The following AGBL1 variants were observed in gnomAD, a reference collection of about 807,000 sequenced individuals.
AGBL1 encodes the protein AGBL carboxypeptidase 1, also known as cytosolic carboxypeptidase 4.
AGBL1 carries 130 observed loss-of-function variants against 118.9 expected under a neutral mutation model. The ratio of observed to expected loss-of-function variants is 1.09; its 90% CI spans 0.95 to 1.26. AGBL1 has a LOEUF of 1.26. Ranked by LOEUF, AGBL1 falls within the 50% of genes most tolerant of loss-of-function variation. AGBL1 has a pLI of 0.00. For missense variants in AGBL1, 1,584 were observed against 1,298.1 expected, an observed-to-expected ratio of 1.22 and a Z score of -3.38; for synonymous variants, 555 against 478.9, an observed-to-expected ratio of 1.16 and a Z score of -2.08.
chr15:86,593,732 A>G (rs1338111339), intron 21 of AGBL1, among the ~76,000 whole-genome samples: 1 of 152,228 alleles, frequency 6.6e-6, no homozygotes, highest in Non-Finnish European at 1.5e-5. Context: ...CAATATTCCA[A>G]GAAGTTCCCT....
chr15:86,930,416 G>A (rs2080591450), intron 23 of AGBL1, among the ~76,000 whole-genome samples: 1 of 152,134 alleles, frequency 6.6e-6, no homozygotes, highest in African/African-American at 2.4e-5. Flanking sequence ...AGTTGCCAGT[G>A]ATAAGAGGAG....
intron 22 of AGBL1, among the ~76,000 whole-genome samples, chr15:86,790,764 T>C (rs559197712): frequency 6.2e-4 from 95 of 152,244 alleles, no homozygotes; most frequent in Non-Finnish European, 1.2e-3. Context: ...AGACATTCAC[T>C]ATACTTTCAA....
chr15:86,895,621 C>G (rs1249488708), intron 22 of AGBL1, among the ~76,000 whole-genome samples: 1 of 150,826 alleles, frequency 6.6e-6, no homozygotes, highest in African/African-American at 2.5e-5. Context: ...TTTTTTCTGC[C>G]TCGCTTTAAC....
chr15:86,777,877 A>G (rs2078280923), intron 22 of AGBL1, among the ~76,000 whole-genome samples: 1 of 152,172 alleles, frequency 6.6e-6, no homozygotes, highest in Admixed American at 6.6e-5. Context: ...AGAAACTGTC[A>G]CCTAGACAAA....
chr15:86,593,920 GA>G (rs1424130625), intron 21 of AGBL1, among the ~76,000 whole-genome samples: 1 of 151,068 alleles, frequency 6.6e-6, no homozygotes, highest in African/African-American at 2.4e-5. Flanking sequence ...GACACTGATT[GA>G]TTTTTTTTTT....
intron 22 of AGBL1, among the ~76,000 whole-genome samples, chr15:86,749,802 T>C (rs958080362): frequency 6.6e-6 from 1 of 152,226 alleles, no homozygotes; most frequent in Non-Finnish European, 1.5e-5. Flanking sequence ...GTTTATATGC[T>C]GGATTACTTT....
At chr15:86,744,031 A>G (rs1427145087) in intron 22 of AGBL1, among the ~76,000 whole-genome samples, 2 of 152,100 alleles carry the variant, frequency 1.3e-5, no homozygotes, top group African/African-American at 4.8e-5. Context: ...AAATATATAT[A>G]TTTACTTTCA....
At chr15:86,688,743 T>G (rs1037174560) in intron 22 of AGBL1, among the ~76,000 whole-genome samples, 13 of 152,170 alleles carry the variant, frequency 8.5e-5, no homozygotes, top group African/African-American at 2.7e-4. Context: ...CTGCACATAT[T>G]TGAAATACTA....
chr15:87,003,126 G>T (rs911305023), intron 24 of AGBL1, among the ~76,000 whole-genome samples: 13 of 152,088 alleles, frequency 8.5e-5, no homozygotes, highest in African/African-American at 2.7e-4. Flanking sequence ...GTCATAAATA[G>T]CTCTTATTAT....
chr15:86,485,377 A>G (rs1185748821), intron 18 of AGBL1, among the ~76,000 whole-genome samples: 2 of 135,490 alleles, frequency 1.5e-5, no homozygotes, highest in East Asian at 2.0e-4. Flanking sequence ...TTCACTGCTT[A>G]TATATGAACA....
intron 22 of AGBL1, among the ~76,000 whole-genome samples, chr15:86,753,559 G>A (rs1250020686): frequency 6.6e-6 from 1 of 151,618 alleles, no homozygotes; most frequent in Admixed American, 6.6e-5. Flanking sequence ...CACCACACCC[G>A]GCTAATTTTT....
At chr15:86,554,186 C>T (rs12592094) in intron 20 of AGBL1, among the ~76,000 whole-genome samples, 175 bp from the exon 21 acceptor site, 1 of 152,058 alleles carries the variant, frequency 6.6e-6, no homozygotes, top group South Asian at 2.1e-4. Flanking sequence ...AAGCCTGTTT[C>T]CTCATCTGCA....
chr15:86,095,348 A>G (rs1268030659), intron 1 of AGBL1, among the ~76,000 whole-genome samples: 2 of 152,094 alleles, frequency 1.3e-5, no homozygotes, highest in Non-Finnish European at 2.9e-5. Flanking sequence ...TGAGGCTGAA[A>G]GTTCCAACCC....
At chr15:87,016,856 C>T (rs142299971) in intron 24 of AGBL1, among the ~76,000 whole-genome samples, 11 of 152,218 alleles carry the variant, frequency 7.2e-5, no homozygotes, top group Non-Finnish European at 1.6e-4. Flanking sequence ...CCTTCTAAGC[C>T]CATACCACCA....
rs371386313 is a variant in AGBL1, at chr15:86,979,644, A to G, written c.3222-8343A>G. On this transcript the variant is annotated intron_variant, in intron 23 of 24. Transcript: ENST00000441037. ...GCTGCAACTACAGGTGCCCGCCACC[A>G]CGCCCGGCTAATTTTTTGTTTGTTT... 2.4e-4 allele frequency among the ~76,000 whole-genome samples: 35 copies of G among 148,104 alleles called. No homozygotes were observed. In the South Asian group the frequency reaches 7.4e-3, roughly 31 times the overall value.
At chr15:86,478,186 C>T (rs1445731322) in intron 18 of AGBL1, among the ~76,000 whole-genome samples, 2 of 152,144 alleles carry the variant, frequency 1.3e-5, no homozygotes, top group Non-Finnish European at 2.9e-5. Flanking sequence ...CAGAGATGCC[C>T]TCTCTCACCA....
chr15:86,709,609 G>A (rs1288401760), intron 22 of AGBL1, among the ~76,000 whole-genome samples: 2 of 152,120 alleles, frequency 1.3e-5, no homozygotes, highest in Non-Finnish European at 1.5e-5. Flanking sequence ...CTATGTGCTT[G>A]AAAACCAAAG....
At chr15:86,930,821 A>T (rs1296788736) in intron 23 of AGBL1, among the ~76,000 whole-genome samples, 1 of 152,246 alleles carries the variant, frequency 6.6e-6, no homozygotes, top group Non-Finnish European at 1.5e-5. Flanking sequence ...TTCCAGGCAC[A>T]TAAAAGTAAA....
chr15:86,981,610 T>A (rs2081232360), intron 23 of AGBL1, among the ~76,000 whole-genome samples: 1 of 152,228 alleles, frequency 6.6e-6, no homozygotes, highest in Admixed American at 6.5e-5. Flanking sequence ...TTTGATTGTT[T>A]TTCGTCACAG....
Sources: gnomAD v4.1 joint callset for allele counts (sites outside exome capture counted in the v4.1 genomes callset) on GRCh38, gnomAD v4.1.1 for gene constraint, MANE v1.5 for transcripts, NCBI Gene and HGNC (gene_info 2026-07-23, HGNC 2026-07-21) for gene names.